CREBRF: variants seen among roughly 807,000 people sequenced by gnomAD.
CREBRF encodes CREB3 regulatory factor, also known as UPF0474 protein C5orf41.
CREBRF carries 5 observed loss-of-function variants against 66.1 expected under a neutral mutation model. That is an observed-to-expected ratio of 0.08 (90% CI 0.04 to 0.16). The LOEUF (loss-of-function observed/expected upper bound fraction) is 0.16. Among genes scored for constraint, CREBRF ranks in the 10% least tolerant of loss-of-function variants. The pLI, the probability that CREBRF is intolerant of heterozygous loss-of-function variation, is 1.00. For synonymous variants in CREBRF, 229 were observed against 264.4 expected (o/e 0.87, Z 1.30); for missense variants, 531 against 744.9 (o/e 0.71, Z 3.34).
intron 8 of CREBRF, among the ~76,000 whole-genome samples, chr5:173,125,721 G>C (rs901246650): frequency 1.3e-5 from 2 of 152,198 alleles, no homozygotes; most frequent in Admixed American, 6.5e-5. Flanking sequence ...AAAAAAAGCT[G>C]GGTGTGGTGG....
rs1326782548 is a variant in CREBRF, at chr5:173,137,832, T to C, written c.*4087T>C. ...ATTTAGCTGCTAAGATTTAATGTTA[T>C]AAGAAATGAATTCAAGTTGCCTTCA... On this transcript the variant is annotated 3_prime_UTR_variant, in exon 9 of 9. Coordinates refer to ENST00000296953, the MANE Select transcript of CREBRF (RefSeq NM_153607.3). 2.6e-5 allele frequency: 4 copies of C among 152,138 alleles called. No individual in the cohort carries two copies. Among genetic ancestry groups the C allele is most frequent in the East Asian group, 3.8e-4 (2 of 5,206 alleles). 9.4% of individuals were successfully genotyped at this position (152,138 alleles called of 1,614,324 possible). A position where few individuals can be genotyped will look rare whatever the true frequency, so the allele number is the denominator to read the frequency against.
At chr5:173,100,369 A>C (rs1486341058) in intron 4 of CREBRF, among the ~76,000 whole-genome samples, 1 of 151,524 alleles carries the variant, frequency 6.6e-6, no homozygotes, top group Non-Finnish European at 1.5e-5. Context: ...GTATTAGAGC[A>C]TTCTGAATAT....
chr5:173,092,327 TGAA>T, intron 4 of CREBRF: 2 of 983,712 alleles, frequency 2.0e-6, no homozygotes, highest in Non-Finnish European at 2.4e-6. Context: ...TTGGTGAGCA[TGAA>T]GGAGACTCTG....
chr5:173,120,032 C>A (rs577176678), intron 7 of CREBRF, among the ~76,000 whole-genome samples: 4 of 152,114 alleles, frequency 2.6e-5, no homozygotes, highest in African/African-American at 7.2e-5. Flanking sequence ...TTATTCTATT[C>A]TAATATTATA....
rs574237115 is a variant in CREBRF at position 173,130,210 on chromosome 5, A to T, written c.1805-3420A>T. ...TAATAGGTGAGTTTAGCTCATTTTT[A>T]AAAAAATTGATCTATGTTTGGTTTT... On this transcript the variant is annotated intron_variant, in intron 8 of 8. Coordinates refer to ENST00000296953, the MANE Select transcript of CREBRF (RefSeq NM_153607.3). Among the ~76,000 whole-genome samples, 41 of 152,248 alleles carry T rather than the reference A, an allele frequency of 2.7e-4. 1 individual carries two copies. The South Asian group carries it at 4.6e-3, about 17-fold the overall frequency.
chr5:173,090,754 A>T lies in CREBRF; in HGVS notation c.575A>T (p.Gln192Leu), dbSNP rs1561803964. 2 of 1,614,204 alleles carry T rather than the reference A, an allele frequency of 1.2e-6. No homozygotes were observed. Among genetic ancestry groups the T allele is most frequent in the Admixed American group, 3.3e-5 (2 of 60,028 alleles). ...CCTGTGTGTTCTTCTAAGACTCTGC[A>T]GGCTGAGGTCCCTTTGTCAGACTGT... ...AAPVCSSKTL[Q>L]AEVPLSDCVQ... Residue 192 changes from glutamine (Q) to leucine (L), a missense_variant, in exon 4 of 9, where the codon CAG becomes CTG. Gln to Leu is a moderately radical substitution (Grantham distance 113). This residue lies in a region of CREBRF where 309 missense variants were observed against 341.4 expected (regional missense o/e 0.90). Coordinates refer to ENST00000296953, the MANE Select transcript of CREBRF (RefSeq NM_153607.3). The surrounding 1 kb of genome is among the most constrained non-coding windows in gnomAD (Gnocchi z 4.5).
intron 4 of CREBRF, among the ~76,000 whole-genome samples, chr5:173,093,015 G>A (rs1165367032): frequency 6.6e-6 from 1 of 152,092 alleles, no homozygotes; most frequent in South Asian, 2.1e-4. Context: ...TGTAGGTAGG[G>A]GTAATTTATA....
chr5:173,080,717 A>G lies in CREBRF; in HGVS notation c.-59A>G, dbSNP rs140170335. 3.4e-5 allele frequency: 54 copies of G among 1,571,376 alleles called. No individual in the cohort carries two copies. The African/African-American group carries it at 6.0e-4, about 17-fold the overall frequency. Reference sequence around the variant, plus strand: ...GAATTGAAAGTAAAGCTGGAAAGGAATTTACAAACAAGAAAAAAAAGAAGT... The same window carrying G: ...GAATTGAAAGTAAAGCTGGAAAGGAGTTTACAAACAAGAAAAAAAAGAAGT... On this transcript the variant is annotated 5_prime_UTR_variant, in exon 2 of 9. Coordinates refer to ENST00000296953, the MANE Select transcript of CREBRF (RefSeq NM_153607.3).
chr5:173,118,091 G>T (rs1025309790), intron 7 of CREBRF, among the ~76,000 whole-genome samples: 1 of 152,116 alleles, frequency 6.6e-6, no homozygotes, highest in East Asian at 1.9e-4. Context: ...AGCCAGGATG[G>T]TCTCGATCTC....
chr5:173,101,335 G>A lies in CREBRF; in HGVS notation c.1223-7289G>A, dbSNP rs915565255. Reference sequence around the variant, plus strand: ...GCCTCCCAGAGTGCTGGAATTACTTGCATGAGCCACCATGCCCAGCCCAGT... The same window carrying A: ...GCCTCCCAGAGTGCTGGAATTACTTACATGAGCCACCATGCCCAGCCCAGT... On this transcript the variant is annotated intron_variant, in intron 4 of 8. Coordinates refer to ENST00000296953, the MANE Select transcript of CREBRF (RefSeq NM_153607.3). 4.1e-4 allele frequency among the ~76,000 whole-genome samples: 63 copies of A among 152,088 alleles called. 1 individual carries two copies. Among genetic ancestry groups the A allele is most frequent in the African/African-American group, 1.4e-3 (56 of 41,398 alleles).
At chr5:173,102,025 T>A (rs1274508728) in intron 4 of CREBRF, among the ~76,000 whole-genome samples, 2 of 152,216 alleles carry the variant, frequency 1.3e-5, no homozygotes, top group Non-Finnish European at 2.9e-5. Flanking sequence ...TCAAATGACC[T>A]GTCTTGGAGC....
In CREBRF at chr5:173,056,365, T is replaced by C; in HGVS notation, c.-306T>C. ...CGTGAGGGGGGCGAGTCACGCGATT[T>C]CCGGGAACCCGTCAGGAAGGACATA... On this transcript the variant is annotated 5_prime_UTR_variant, in exon 1 of 9. Transcript: ENST00000296953. 1 of 398,008 alleles carries C rather than the reference T, an allele frequency of 2.5e-6. No individual in the cohort carries two copies. The allele number at this position is 398,008 out of a possible 1,614,324, so 24.7% of individuals were successfully genotyped here.
intron 2 of CREBRF, chr5:173,085,510 A>AGGTT (rs149007571): frequency 0.11 from 59,310 of 545,810 alleles, 3,860 homozygotes; most frequent in South Asian, 0.16. Context: ...TTCGCCTCCC[A>AGGTT]GGTTCAAGCG....
At position 173,134,135 on chromosome 5, in the gene CREBRF, G is replaced by C. The variant is rs1333996048; in HGVS notation, c.*390G>C. 1 of 153,698 alleles carries C rather than the reference G, an allele frequency of 6.5e-6. No homozygotes were observed. Among genetic ancestry groups the C allele is most frequent in the African/African-American group, 2.4e-5 (1 of 41,368 alleles). The allele number at this position is 153,698 out of a possible 1,614,324, so 9.5% of individuals were successfully genotyped here. A position where few individuals can be genotyped will look rare whatever the true frequency, so the allele number is the denominator to read the frequency against. On this transcript the variant is annotated 3_prime_UTR_variant, in exon 9 of 9. Transcript: ENST00000296953. The stretch of plus-strand genomic sequence containing the variant: ...TTTTTTTAAACAGTCGGTTTAAATT[G>C]TTTTTAGAATTATTGCTTTTTGTTC...
Position 173,091,000 on chromosome 5 carries a change from A to C in CREBRF, c.821A>C (p.Gln274Pro). ...TACTGTGGTGCAGTGGCAAAGAGAC[A>C]AGAGAAAAAAGGGATGGAGCCTCTT... ...TCYCGAVAKRQEKKGMEPLQG... is the reference protein window; with the variant it reads ...TCYCGAVAKRPEKKGMEPLQG... The change falls in exon 4 of 9, where the codon CAA becomes CCA. Residue 274 changes from glutamine to proline, a missense_variant. Physicochemically the swap from Gln to Pro is moderately conservative, Grantham distance 76. Coordinates refer to ENST00000296953, the MANE Select transcript of CREBRF (RefSeq NM_153607.3). This position sits in a 1 kb window ranked among gnomAD's most constrained non-coding sequence, Gnocchi z 4.5. 1 of 1,614,186 alleles carries C rather than the reference A, an allele frequency of 6.2e-7. No individual in the cohort carries two copies. The highest frequency in any genetic ancestry group is 8.5e-7 in the Non-Finnish European group (1 of 1,180,030).
At chr5:173,064,213 A>G (rs1343029768) in intron 1 of CREBRF, among the ~76,000 whole-genome samples, 1 of 152,088 alleles carries the variant, frequency 6.6e-6, no homozygotes, top group African/African-American at 2.4e-5. Context: ...TTTCTATTAT[A>G]GGTTAGTCAT....
Position 173,108,180 on chromosome 5 carries a change from AAAG to A in CREBRF, c.1223-440_1223-438del, listed in dbSNP as rs1171358532. On this transcript the variant is annotated intron_variant, in intron 4 of 8. Transcript: ENST00000296953. ...AAATAAAAGAAAAATATTTAAAAAA[AAAG>A]AAGTATACATAGCTTTCTGTCTGAG... Among the ~76,000 whole-genome samples the A allele has an allele frequency of 9.9e-5, 15 of 152,206 alleles. No individual in the cohort carries two copies. In the South Asian group the frequency reaches 1.4e-3, roughly 15 times the overall value.
At chr5:173,114,030 C>T (rs1430122549) in intron 7 of CREBRF, among the ~76,000 whole-genome samples, 1 of 152,162 alleles carries the variant, frequency 6.6e-6, no homozygotes, top group Non-Finnish European at 1.5e-5. Context: ...TAGAGGTTTT[C>T]TTAAGTTTAG....
At chr5:173,118,067 G>T (rs1314140324) in intron 7 of CREBRF, among the ~76,000 whole-genome samples, 9 of 152,106 alleles carry the variant, frequency 5.9e-5, no homozygotes, top group Admixed American at 5.9e-4. Context: ...GTAGAGACAG[G>T]GTTTCACCAT....
Sources: allele counts gnomAD v4.1 joint callset (sites outside exome capture counted in the v4.1 genomes callset), GRCh38; gene constraint gnomAD v4.1.1; regional missense constraint gnomAD v4.1.1; non-coding constraint Gnocchi (gnomAD v3.1); transcripts MANE v1.5; gene names NCBI Gene and HGNC (gene_info 2026-07-23, HGNC 2026-07-21).